NUMB: variants seen among roughly 807,000 people sequenced by gnomAD.
NUMB encodes the protein NUMB endocytic adaptor protein.
NUMB carries 29 observed loss-of-function variants against 59.7 expected under a neutral mutation model. That is an observed-to-expected ratio of 0.49 (90% CI 0.36 to 0.66). The LOEUF (loss-of-function observed/expected upper bound fraction) is 0.66, where lower values mean the gene tolerates loss of function less well. NUMB is among the 30% of genes least tolerant of loss of function. The pLI, the probability that NUMB is intolerant of heterozygous loss-of-function variation, is 0.00. For missense variants in NUMB, 723 were observed against 822.0 expected, an observed-to-expected ratio of 0.88 and a Z score of 1.47; for synonymous variants, 288 against 288.2, an observed-to-expected ratio of 1.00 and a Z score of 0.01.
At chr14:73,439,003 C>T (rs1882827054) in intron 1 of NUMB, among the ~76,000 whole-genome samples, 1 of 152,260 alleles carries the variant, frequency 6.6e-6, no homozygotes. Context: ...AGTCAAAGTC[C>T]TTCACGGTAT....
chr14:73,392,259 C>T (rs527487731), intron 2 of NUMB, among the ~76,000 whole-genome samples: 3 of 152,184 alleles, frequency 2.0e-5, no homozygotes, highest in Non-Finnish European at 4.4e-5. Flanking sequence ...TAAATCTGTG[C>T]TATATCAGGT....
At chr14:73,373,335 A>C (rs916977809) in intron 2 of NUMB, among the ~76,000 whole-genome samples, 4 of 152,258 alleles carry the variant, frequency 2.6e-5, no homozygotes, top group Admixed American at 2.0e-4. Context: ...AGGACCCAGT[A>C]GGTAGAATTA....
intron 6 of NUMB, among the ~76,000 whole-genome samples, chr14:73,306,959 G>A (rs1890471465): frequency 6.6e-6 from 1 of 152,200 alleles, no homozygotes; most frequent in South Asian, 2.1e-4. Flanking sequence ...CAGTGAGGAA[G>A]AGATAAGCAA....
At chr14:73,278,030 A>T (rs1378684951) in intron 12 of NUMB, among the ~76,000 whole-genome samples, 13 of 123,724 alleles carry the variant, frequency 1.1e-4, no homozygotes, top group Non-Finnish European at 1.8e-4. Flanking sequence ...CTAGTGACAC[A>T]GCGAGACTCC....
intron 6 of NUMB, among the ~76,000 whole-genome samples, chr14:73,300,224 C>A (rs1890055421): frequency 6.6e-6 from 1 of 151,938 alleles, no homozygotes; most frequent in South Asian, 2.1e-4. Flanking sequence ...GAACAAAGTC[C>A]AACAAAATGC....
intron 4 of NUMB, among the ~76,000 whole-genome samples, chr14:73,348,033 C>T (rs1253543592): frequency 6.6e-6 from 1 of 152,158 alleles, no homozygotes; most frequent in Non-Finnish European, 1.5e-5. Context: ...ATTTTCTCTA[C>T]TCCCAAATTT....
At chr14:73,406,563 A>G (rs932474010) in intron 2 of NUMB, among the ~76,000 whole-genome samples, 1 of 152,070 alleles carries the variant, frequency 6.6e-6, no homozygotes, top group Non-Finnish European at 1.5e-5. Context: ...ATACATGTAC[A>G]TGTGTCTTTA....
Position 73,276,577 on chromosome 14 carries a change from C to CT in NUMB, c.1956dup. ...ACAAGATACATAGCCATAATGATTG[C>CT]TTAAAGTTCAATTTCAAACGTCTTC... On this transcript the variant is annotated 3_prime_UTR_variant, in exon 13 of 13. Coordinates refer to ENST00000555238, the MANE Select transcript of NUMB (RefSeq NM_001005743.2). 1 of 1,610,074 alleles carries CT rather than the reference C, an allele frequency of 6.2e-7. No individual in the cohort carries two copies. The highest frequency in any genetic ancestry group is 8.5e-7 in the Non-Finnish European group (1 of 1,177,278).
rs746681684 is a variant in NUMB at position 73,282,488 on chromosome 14, C to T, written c.967G>A (p.Glu323Lys). The change falls in exon 11 of 13, where the codon GAG (glutamate) becomes AAG (lysine). Residue 323 changes from glutamate (E) to lysine (K), a missense_variant. This residue lies in a region of NUMB where 317 missense variants were observed against 436.6 expected (regional missense o/e 0.73). Transcript: ENST00000555238. Reference sequence around the variant, plus strand: ...CACAGGGAGCTGATGCTCTCTGCCTCCCCTTCTACTTCTGGCACTGCAAGG... The same window carrying T: ...CACAGGGAGCTGATGCTCTCTGCCTTCCCTTCTACTTCTGGCACTGCAAGG... ...IKNAVPEVEG[E>K]AESISSLCSQ... 6.2e-7 allele frequency: 1 copy of T among 1,613,786 alleles called. No homozygotes were observed. The highest frequency in any genetic ancestry group is 8.5e-7 in the Non-Finnish European group (1 of 1,179,888).
intron 8 of NUMB, among the ~76,000 whole-genome samples, chr14:73,290,098 G>A (rs1889294268): frequency 6.6e-6 from 1 of 152,170 alleles, no homozygotes; most frequent in Non-Finnish European, 1.5e-5. Flanking sequence ...ATTCAAACAG[G>A]CTGCCGGGCC....
chr14:73,348,233 C>G (rs1684669267), intron 4 of NUMB, among the ~76,000 whole-genome samples: 1 of 152,180 alleles, frequency 6.6e-6, no homozygotes, highest in South Asian at 2.1e-4. Context: ...CTATTGTACT[C>G]TGGGAGTCAG....
intron 1 of NUMB, among the ~76,000 whole-genome samples, chr14:73,426,583 C>T (rs776263292): frequency 2.6e-5 from 4 of 152,028 alleles, no homozygotes; most frequent in Non-Finnish European, 5.9e-5. Context: ...CGCGGTGGCT[C>T]AGACTGTAAA....
chr14:73,367,774 C>CAA (rs11463575), intron 2 of NUMB, among the ~76,000 whole-genome samples: 3,043 of 111,694 alleles, frequency 0.027, 114 homozygotes, highest in Middle Eastern at 0.067. Flanking sequence ...GACCCTGTTT[C>CAA]AAAAAAAAAA....
At chr14:73,413,243 C>T (rs565781137) in intron 1 of NUMB, among the ~76,000 whole-genome samples, 6 of 151,268 alleles carry the variant, frequency 4.0e-5, no homozygotes, top group South Asian at 4.2e-4. Flanking sequence ...CACACCACCA[C>T]GCCCAGCTAA....
At chr14:73,332,247 CTTTTTTCTTTT>C (rs938644245) in intron 4 of NUMB, among the ~76,000 whole-genome samples, 5 of 151,702 alleles carry the variant, frequency 3.3e-5, no homozygotes, top group Admixed American at 1.3e-4. Context: ...CTAATAAATT[CTTTTTTCTTTT>C]TTTTTTCTTT....
chr14:73,356,435 G>T (rs953735001), intron 3 of NUMB, among the ~76,000 whole-genome samples: 1 of 152,172 alleles, frequency 6.6e-6, no homozygotes, highest in Non-Finnish European at 1.5e-5. Context: ...TTGAGGTCAG[G>T]AGCTGAAGAC....
At chr14:73,285,916 ACT>A (rs758984115) in intron 9 of NUMB, among the ~76,000 whole-genome samples, 4 of 147,032 alleles carry the variant, frequency 2.7e-5, no homozygotes, top group Admixed American at 6.8e-5. Flanking sequence ...ACAGAACTAC[ACT>A]CTGTCTCAAA....
intron 6 of NUMB, among the ~76,000 whole-genome samples, chr14:73,307,066 T>C (rs1203755279): frequency 4.6e-5 from 7 of 152,096 alleles, no homozygotes; most frequent in Non-Finnish European, 8.8e-5. Flanking sequence ...TCCCAGCACT[T>C]TGGGAGGCCA....
At chr14:73,328,400 T>C (rs1385233808) in intron 4 of NUMB, among the ~76,000 whole-genome samples, 1 of 152,196 alleles carries the variant, frequency 6.6e-6, no homozygotes, top group Non-Finnish European at 1.5e-5. Flanking sequence ...ATCTTGGTTA[T>C]TTCCGGTTTT....
Sources: allele counts gnomAD v4.1 joint callset (sites outside exome capture counted in the v4.1 genomes callset), GRCh38; gene constraint gnomAD v4.1.1; regional missense constraint gnomAD v4.1.1; transcripts MANE v1.5; gene names NCBI Gene and HGNC (gene_info 2026-07-23, HGNC 2026-07-21).